The following LHFPL3 variants were observed in gnomAD, a reference collection of about 807,000 sequenced individuals.
LHFPL3 encodes LHFPL tetraspan subfamily member 3 protein.
In LHFPL3, 5 loss-of-function variants were observed where a neutral mutation model predicts 19.3. That is an observed-to-expected ratio of 0.26 (90% confidence interval 0.14 to 0.54). The LOEUF (loss-of-function observed/expected upper bound fraction) is 0.54, where lower values mean the gene tolerates loss of function less well. LHFPL3 is among the 20% of genes least tolerant of loss of function. The probability of loss-of-function intolerance (pLI) is 0.94; values close to 1 mark genes in which losing one functional copy is unlikely to be tolerated. For synonymous variants in LHFPL3, 133 were observed against 126.2 expected (o/e 1.05, Z -0.36); for missense variants, 249 against 307.4 (o/e 0.81, Z 1.42).
At chr7:104,705,161 T>G (rs1793169175) in intron 1 of LHFPL3, among the ~76,000 whole-genome samples, 1 of 152,222 alleles carries the variant, frequency 6.6e-6, no homozygotes, top group South Asian at 2.1e-4. Flanking sequence ...GTAGGTAATT[T>G]TTTTCTTTAA....
intron 2 of LHFPL3, among the ~76,000 whole-genome samples, chr7:104,820,993 C>T (rs904455296): frequency 7.2e-5 from 11 of 152,240 alleles, no homozygotes; most frequent in African/African-American, 1.9e-4. Context: ...TTCCCCTCCC[C>T]CTAGGAACTT....
intron 2 of LHFPL3, among the ~76,000 whole-genome samples, chr7:104,748,071 T>G (rs1308406630): frequency 6.6e-6 from 1 of 151,852 alleles, no homozygotes; most frequent in Non-Finnish European, 1.5e-5. Context: ...CCGTGCTCTC[T>G]GAAACATGTG....
At chr7:104,568,776 G>T (rs1790171530) in intron 1 of LHFPL3, among the ~76,000 whole-genome samples, 1 of 152,140 alleles carries the variant, frequency 6.6e-6, no homozygotes, top group Non-Finnish European at 1.5e-5. Flanking sequence ...ACTCACTGGT[G>T]GTGCCCTTCC....
chr7:104,545,827 A>C (rs978416230), intron 1 of LHFPL3, among the ~76,000 whole-genome samples: 1 of 152,214 alleles, frequency 6.6e-6, no homozygotes, highest in Non-Finnish European at 1.5e-5. Flanking sequence ...CTGCTCTATC[A>C]GTCTTCATGG....
chr7:104,659,365 T>C (rs1371967238), intron 1 of LHFPL3, among the ~76,000 whole-genome samples: 5 of 152,244 alleles, frequency 3.3e-5, no homozygotes, highest in Non-Finnish European at 5.9e-5. Flanking sequence ...CTCCTAAGTA[T>C]GGCACCCAGG....
At chr7:104,799,233 A>T (rs1445672371) in intron 2 of LHFPL3, among the ~76,000 whole-genome samples, 1 of 152,176 alleles carries the variant, frequency 6.6e-6, no homozygotes, top group Non-Finnish European at 1.5e-5. Context: ...CAGAGATGAA[A>T]ATATGAAGGC....
chr7:104,711,234 T>C (rs1012994166), intron 1 of LHFPL3, among the ~76,000 whole-genome samples: 2 of 152,192 alleles, frequency 1.3e-5, no homozygotes, highest in African/African-American at 2.4e-5. Context: ...AGAGAGTCTG[T>C]GGTGACAACC....
chr7:104,347,985 G>A (rs1401320439), intron 1 of LHFPL3, among the ~76,000 whole-genome samples: 1 of 151,904 alleles, frequency 6.6e-6, no homozygotes, highest in Admixed American at 6.6e-5. Flanking sequence ...CTGATATAAA[G>A]ACAATTTCTC....
At chr7:104,777,971 C>G (rs1003187439) in intron 2 of LHFPL3, among the ~76,000 whole-genome samples, 4 of 152,164 alleles carry the variant, frequency 2.6e-5, no homozygotes, top group African/African-American at 7.2e-5. Context: ...AGAGAGACAT[C>G]TGGGATGTAT....
At chr7:104,452,555 A>C (rs1276695137) in intron 1 of LHFPL3, among the ~76,000 whole-genome samples, 1 of 152,282 alleles carries the variant, frequency 6.6e-6, no homozygotes, top group African/African-American at 2.4e-5. Flanking sequence ...CTAATGATGA[A>C]CTGGTATTTA....
chr7:104,532,318 C>CTTTTTTTTTTTTTT (rs71155504), intron 1 of LHFPL3, among the ~76,000 whole-genome samples: 44 of 87,224 alleles, frequency 5.0e-4, no homozygotes, highest in South Asian at 1.5e-3. Flanking sequence ...TTCTTTCTGT[C>CTTTTTTTTTTTTTT]TTTTTTTTTT....
At chr7:104,778,720 G>A (rs1794673574) in intron 2 of LHFPL3, among the ~76,000 whole-genome samples, 1 of 152,242 alleles carries the variant, frequency 6.6e-6, no homozygotes, top group Non-Finnish European at 1.5e-5. Flanking sequence ...TTGCAGTGCA[G>A]CAGGTGGGTG....
At chr7:104,764,578 CA>C (rs1360474424) in intron 2 of LHFPL3, among the ~76,000 whole-genome samples, 1 of 152,140 alleles carries the variant, frequency 6.6e-6, no homozygotes. Context: ...ATTTCAGTTA[CA>C]AAAACCCTAT....
chr7:104,427,090 G>A (rs1027819680), intron 1 of LHFPL3, among the ~76,000 whole-genome samples: 4 of 152,280 alleles, frequency 2.6e-5, no homozygotes, highest in East Asian at 3.9e-4. Flanking sequence ...CTAACGTCTC[G>A]AGGTTTTCAC....
chr7:104,332,648 A>G (rs1280707470), intron 1 of LHFPL3, among the ~76,000 whole-genome samples: 1 of 152,194 alleles, frequency 6.6e-6, no homozygotes, highest in East Asian at 1.9e-4. Flanking sequence ...TAATTTATTT[A>G]TTGGACCTGA....
intron 1 of LHFPL3, among the ~76,000 whole-genome samples, chr7:104,634,782 G>T (rs1377357370): frequency 6.6e-6 from 1 of 152,158 alleles, no homozygotes; most frequent in Admixed American, 6.5e-5. Flanking sequence ...CTGTGGCTGT[G>T]AAGCCCTTTA....
At chr7:104,855,395 T>G (rs1791483415) in intron 2 of LHFPL3, among the ~76,000 whole-genome samples, 1 of 152,232 alleles carries the variant, frequency 6.6e-6, no homozygotes. Context: ...TTTTTGGACT[T>G]GGAGTGTGAC....
intron 1 of LHFPL3, among the ~76,000 whole-genome samples, chr7:104,602,212 G>C (rs892074773): frequency 1.3e-5 from 2 of 151,486 alleles, no homozygotes; most frequent in African/African-American, 4.8e-5. Flanking sequence ...ATAGAGACAG[G>C]GTTTCACCAT....
At chr7:104,608,305 A>G (rs1477381515) in intron 1 of LHFPL3, among the ~76,000 whole-genome samples, 1 of 152,084 alleles carries the variant, frequency 6.6e-6, no homozygotes, top group East Asian at 1.9e-4. Flanking sequence ...ACCATGGGAT[A>G]CTATGCAGCC....
Sources: allele counts gnomAD v4.1 joint callset (sites outside exome capture counted in the v4.1 genomes callset), GRCh38; gene constraint gnomAD v4.1.1; transcripts MANE v1.5; gene names NCBI Gene and HGNC (gene_info 2026-07-23, HGNC 2026-07-21).